HORMAD1: variants seen among roughly 807,000 people sequenced by gnomAD.
The protein encoded by HORMAD1 is HORMA domain-containing protein 1.
A neutral mutation model predicts 58.2 loss-of-function variants in HORMAD1; 33 were observed. The ratio of observed to expected loss-of-function variants is 0.57; its 90% CI spans 0.43 to 0.76. The LOEUF is 0.76. Among genes scored for constraint, HORMAD1 ranks in the 30% least tolerant of loss-of-function variants. The pLI, the probability that HORMAD1 is intolerant of heterozygous loss-of-function variation, is 0.00. For missense variants in HORMAD1, 363 were observed against 462.0 expected, an observed-to-expected ratio of 0.79 and a Z score of 1.96; for synonymous variants, 137 against 144.6, an observed-to-expected ratio of 0.95 and a Z score of 0.38.
At chr1:150,715,636 C>T (rs1652044418) in intron 3 of HORMAD1, among the ~76,000 whole-genome samples, 1 of 151,816 alleles carries the variant, frequency 6.6e-6, no homozygotes, top group African/African-American at 2.4e-5. Context: ...CTTATGTTGA[C>T]CAGGCTGGTC....
intron 5 of HORMAD1, among the ~76,000 whole-genome samples, chr1:150,713,041 T>C (rs1357013462): frequency 6.6e-6 from 1 of 152,174 alleles, no homozygotes; most frequent in East Asian, 1.9e-4. Flanking sequence ...TGGAACTCTC[T>C]AAACTTCCAA....
intron 8 of HORMAD1, 33 bp downstream of exon 8, chr1:150,708,861 C>G (rs1005489807): frequency 2.8e-6 from 3 of 1,081,840 alleles, no homozygotes; most frequent in Non-Finnish European, 4.3e-6. Flanking sequence ...AAGTGGTAAT[C>G]TGTAATACAA....
intron 7 of HORMAD1, 155 bp from the exon 8 acceptor site, chr1:150,709,116 GT>G: frequency 1.7e-6 from 1 of 598,790 alleles, no homozygotes; most frequent in South Asian, 2.0e-5. Flanking sequence ...CTCATAGTCA[GT>G]TTTCATGGTT....
intron 12 of HORMAD1, 72 bp downstream of exon 12, chr1:150,704,046 A>C: frequency 2.1e-6 from 2 of 960,274 alleles, no homozygotes; most frequent in South Asian, 3.5e-5. Flanking sequence ...AAATCTGAAA[A>C]ATAAAAAATT....
chr1:150,709,654 T>A (rs905135560), intron 7 of HORMAD1, among the ~76,000 whole-genome samples: 9 of 150,764 alleles, frequency 6.0e-5, no homozygotes, highest in South Asian at 4.3e-4. Context: ...TGTGCTGAGG[T>A]GGATTAGTAA....
chr1:150,709,173 A>G (rs1351725158), intron 7 of HORMAD1, among the ~76,000 whole-genome samples: 1 of 152,152 alleles, frequency 6.6e-6, no homozygotes, highest in Non-Finnish European at 1.5e-5. Flanking sequence ...TTCCCAACTC[A>G]TTGTAATGTA....
In HORMAD1 at chr1:150,717,139, A is replaced by G. The variant is rs1652105504; in HGVS notation, c.177T>C (p.Asp59=). The change falls in exon 3 of 15, where the codon GAT becomes GAC. Residue 59 remains aspartate (D), a splice_region_variant and synonymous_variant. Coordinates refer to ENST00000361824, the MANE Select transcript of HORMAD1 (RefSeq NM_032132.5). ...GCTTTAAAATAAATATTGTATTACC[A>G]TCTAGATATCTTGTTCCATAAGCGC... is the stretch of plus-strand genomic sequence containing the variant. The part of the protein sequence containing the change: ...PECAYGTRYL[D]DLCVKILRED... 6.5e-7 allele frequency: 1 copy of G among 1,541,178 alleles called. No individual in the cohort carries two copies. The highest frequency in any genetic ancestry group is 8.8e-7 in the Non-Finnish European group (1 of 1,135,432).
chr1:150,711,426 T>C (rs1651898702), intron 7 of HORMAD1, 119 bp downstream of exon 7: 1 of 771,750 alleles, frequency 1.3e-6, no homozygotes, highest in African/African-American at 1.8e-5. Flanking sequence ...TGTGAAAATA[T>C]ATATGAAAGT....
At chr1:150,711,121 C>T (rs1237268242) in intron 7 of HORMAD1, among the ~76,000 whole-genome samples, 6 of 152,152 alleles carry the variant, frequency 3.9e-5, no homozygotes, top group Admixed American at 1.3e-4. Flanking sequence ...CTTTCACGTT[C>T]TCCCTTCTCT....
chr1:150,711,756 A>G, intron 6 of HORMAD1, 77 bp downstream of exon 6: 1 of 1,001,266 alleles, frequency 1.0e-6, no homozygotes, highest in Non-Finnish European at 1.6e-6. Flanking sequence ...ATCAATTGAT[A>G]GTTTTAGTGT....
At chr1:150,715,921 C>A (rs1235826719) in intron 3 of HORMAD1, among the ~76,000 whole-genome samples, 1 of 151,202 alleles carries the variant, frequency 6.6e-6, no homozygotes, top group Non-Finnish European at 1.5e-5. Context: ...ATTTTAAAAC[C>A]ATTTAGTTAT....
At chr1:150,710,722 T>C (rs1323630779) in intron 7 of HORMAD1, among the ~76,000 whole-genome samples, 2 of 152,232 alleles carry the variant, frequency 1.3e-5, no homozygotes, top group South Asian at 4.1e-4. Flanking sequence ...GAAGCCTGAA[T>C]ACTTCTATTG....
intron 8 of HORMAD1, 78 bp from the exon 9 acceptor site, chr1:150,708,485 G>T: frequency 1.1e-6 from 1 of 927,094 alleles, no homozygotes; most frequent in Non-Finnish European, 1.6e-6. Flanking sequence ...TTAACTATTT[G>T]AGATTCTTAT....
intron 9 of HORMAD1, among the ~76,000 whole-genome samples, chr1:150,707,926 ACT>A (rs1254768742): frequency 6.6e-6 from 1 of 151,988 alleles, no homozygotes; most frequent in East Asian, 1.9e-4. Flanking sequence ...ACAGAGCAAG[ACT>A]CTGTCTCAAA....
intron 10 of HORMAD1, among the ~76,000 whole-genome samples, chr1:150,706,097 T>G (rs1215524232): frequency 6.6e-6 from 1 of 152,186 alleles, no homozygotes; most frequent in Admixed American, 6.5e-5. Context: ...TTTCCTGACT[T>G]CCAGGAACTT....
intron 5 of HORMAD1, among the ~76,000 whole-genome samples, chr1:150,712,561 T>C (rs1390831657): frequency 6.6e-6 from 1 of 152,162 alleles, no homozygotes; most frequent in African/African-American, 2.4e-5. Context: ...AAAACAATTA[T>C]TTTTTAAGAC....
chr1:150,718,535 T>G (rs1387825066), intron 2 of HORMAD1, among the ~76,000 whole-genome samples: 1 of 152,136 alleles, frequency 6.6e-6, no homozygotes, highest in Non-Finnish European at 1.5e-5. Flanking sequence ...GATTTTTCTC[T>G]TTGGTCACTG....
At chr1:150,705,395 C>T (rs1006374566) in intron 10 of HORMAD1, among the ~76,000 whole-genome samples, 3 of 151,872 alleles carry the variant, frequency 2.0e-5, no homozygotes, top group African/African-American at 7.3e-5. Context: ...CATGGTGGCA[C>T]ATGCCTGTAA....
chr1:150,715,121 A>T (rs1172041545), intron 3 of HORMAD1, among the ~76,000 whole-genome samples: 2 of 152,150 alleles, frequency 1.3e-5, no homozygotes, highest in African/African-American at 2.4e-5. Context: ...AATATTATTA[A>T]TGTAATTAAA....
Sources: gnomAD v4.1 joint callset for allele counts (sites outside exome capture counted in the v4.1 genomes callset) on GRCh38, gnomAD v4.1.1 for gene constraint, MANE v1.5 for transcripts, NCBI Gene and HGNC (gene_info 2026-07-23, HGNC 2026-07-21) for gene names.